Variants in ACYP2 observed in about 807,000 individuals in gnomAD.
ACYP2 encodes acylphosphatase 2.
A neutral mutation model predicts 11.2 loss-of-function variants in ACYP2; 12 were observed. The observed-to-expected ratio is 1.08, with a 90% CI of 0.69 to 1.74. The LOEUF is 1.74. Among genes scored for constraint, ACYP2 ranks in the 40% most tolerant of loss-of-function variants. The pLI, the probability that ACYP2 is intolerant of heterozygous loss-of-function variation, is 0.00. For synonymous variants in ACYP2, 43 were observed against 32.2 expected, an observed-to-expected ratio of 1.33 and a Z score of -1.13; for missense variants, 134 against 101.9, an observed-to-expected ratio of 1.31 and a Z score of -1.35.
At position 54,304,832 on chromosome 2, in the gene ACYP2, A is replaced by G. The variant is rs773108457; in HGVS notation, c.*30A>G. Reference sequence around the variant, plus strand: ...AGAGAAAAATTGTAACACACTGAACAATAGATACTGTATGTTCTTAAGACT... The same window carrying G: ...AGAGAAAAATTGTAACACACTGAACGATAGATACTGTATGTTCTTAAGACT... On this transcript the variant is annotated 3_prime_UTR_variant, in exon 7 of 7. Coordinates refer to ENST00000607452, the MANE Select transcript of ACYP2 (RefSeq NM_001320586.2). 4 of 1,257,994 alleles carry G rather than the reference A, an allele frequency of 3.2e-6. No individual in the cohort carries two copies. In the South Asian group the frequency reaches 4.9e-5, roughly 16 times the overall value. 77.9% of individuals were successfully genotyped at this position (1,257,994 alleles called of 1,614,324 possible).
Position 54,194,019 on chromosome 2 carries a change from A to G in ACYP2, c.404+55271A>G, listed in dbSNP as rs114917123. The stretch of plus-strand genomic sequence containing the variant: ...GATATATGAAGCCTTAGGACTGATC[A>G]TCTTTCACCCCATCAACATTTTCTT... On this transcript the variant is annotated intron_variant, in intron 6 of 6. Transcript: ENST00000607452. Among the ~76,000 whole-genome samples, 780 of 152,244 alleles carry G rather than the reference A, an allele frequency of 5.1e-3. 6 individuals carry two copies. The highest frequency in any genetic ancestry group is 0.018 in the African/African-American group (748 of 41,550).
intron 6 of ACYP2, among the ~76,000 whole-genome samples, chr2:54,238,995 A>T (rs965700568): frequency 6.6e-6 from 1 of 151,944 alleles, no homozygotes; most frequent in South Asian, 2.1e-4. Context: ...TTTATGGGCA[A>T]AAATCCCAAC....
chr2:54,219,494 A>C (rs7593450), intron 6 of ACYP2, among the ~76,000 whole-genome samples: 4,298 of 152,276 alleles, frequency 0.028, 199 homozygotes, highest in African/African-American at 0.097. Flanking sequence ...AAAGAGGAAT[A>C]ATATGAGGGA....
At chr2:54,109,655 T>A (rs1468028453) in intron 4 of ACYP2, among the ~76,000 whole-genome samples, 1 of 152,176 alleles carries the variant, frequency 6.6e-6, no homozygotes, top group Non-Finnish European at 1.5e-5. Context: ...TTTTGAAATG[T>A]TATTATGAAA....
intron 6 of ACYP2, among the ~76,000 whole-genome samples, chr2:54,233,415 G>C (rs1306014321): frequency 1.3e-5 from 2 of 150,058 alleles, no homozygotes; most frequent in African/African-American, 4.9e-5. Flanking sequence ...TCCAGCTTTA[G>C]CCTCCTATGT....
chr2:54,161,326 C>T (rs1682701336), intron 6 of ACYP2, among the ~76,000 whole-genome samples: 1 of 152,176 alleles, frequency 6.6e-6, no homozygotes, highest in Non-Finnish European at 1.5e-5. Flanking sequence ...GGCTGGGACC[C>T]GTGCATCAAA....
intron 6 of ACYP2, among the ~76,000 whole-genome samples, chr2:54,174,369 G>T (rs1182024985): frequency 1.3e-5 from 2 of 152,138 alleles, no homozygotes; most frequent in Admixed American, 6.5e-5. Context: ...TTTGCACATT[G>T]ATTTTGTATC....
Position 54,053,811 on chromosome 2 carries a change from T to A in ACYP2, c.155+2761T>A, listed in dbSNP as rs548014613. 6.6e-5 allele frequency among the ~76,000 whole-genome samples: 10 copies of A among 152,368 alleles called. No homozygotes were observed. The South Asian group carries it at 8.3e-4, about 13-fold the overall frequency. The stretch of plus-strand genomic sequence containing the variant: ...CACTCTCCTATCTTTCTTTACTCAG[T>A]AATTCTTTATATTAAACATCCCTGT... On this transcript the variant is annotated intron_variant, in intron 3 of 6. Transcript: ENST00000607452.
chr2:54,295,817 G>C (rs1408964184), intron 6 of ACYP2, among the ~76,000 whole-genome samples: 1 of 151,786 alleles, frequency 6.6e-6, no homozygotes, highest in Non-Finnish European at 1.5e-5. Flanking sequence ...CTGGAGTGCA[G>C]TGGCGCGATC....
At chr2:54,185,731 A>C (rs937351673) in intron 6 of ACYP2, among the ~76,000 whole-genome samples, 2 of 152,172 alleles carry the variant, frequency 1.3e-5, no homozygotes, top group African/African-American at 4.8e-5. Context: ...TAATAAATTC[A>C]TTTCCTCCTA....
chr2:54,201,610 TTCTTTCTTTCTTTGTTTCTTTCTTTC>T lies in ACYP2; in HGVS notation c.404+62876_404+62901del, dbSNP rs1444449470. Among the ~76,000 whole-genome samples the T allele has an allele frequency of 2.1e-4, 18 of 85,630 alleles. 1 individual carries two copies. Among genetic ancestry groups the T allele is most frequent in the African/African-American group, 6.9e-4 (15 of 21,848 alleles). 56.2% of individuals were successfully genotyped at this position (85,630 alleles called of 152,430 possible). A position where few individuals can be genotyped will look rare whatever the true frequency, so the allele number is the denominator to read the frequency against. ...TCTTTCTTTCTCTTTCTTTCTTTCT[TTCTTTCTTTCTTTGTTTCTTTCTTTC>T]TCTTTCTTTCTTTCTTTCTTTCTTT... On this transcript the variant is annotated intron_variant, in intron 6 of 6. Transcript: ENST00000607452.
intron 2 of ACYP2, among the ~76,000 whole-genome samples, chr2:53,995,589 C>T (rs1419479376): frequency 4.6e-5 from 7 of 151,080 alleles, no homozygotes; most frequent in African/African-American, 7.3e-5. Flanking sequence ...CTGCAACCTC[C>T]GCCTCCTGGG....
chr2:54,190,821 T>TA (rs1684208770), intron 6 of ACYP2, among the ~76,000 whole-genome samples: 1 of 152,160 alleles, frequency 6.6e-6, no homozygotes, highest in South Asian at 2.1e-4. Context: ...ATATTAAACT[T>TA]AGTGTGTTCA....
intron 4 of ACYP2, among the ~76,000 whole-genome samples, chr2:54,132,796 G>C (rs1294125628): frequency 6.7e-6 from 1 of 149,524 alleles, no homozygotes; most frequent in East Asian, 2.0e-4. Flanking sequence ...CCAGGCTGGA[G>C]TGCAATGGCA....
chr2:54,279,825 T>C (rs17045769), intron 6 of ACYP2, among the ~76,000 whole-genome samples: 1,886 of 152,296 alleles, frequency 0.012, 35 homozygotes, highest in African/African-American at 0.042. Context: ...CCTTTCCCAC[T>C]AGAACATGAG....
intron 2 of ACYP2, among the ~76,000 whole-genome samples, chr2:54,023,106 T>C (rs1674088833): frequency 6.6e-6 from 1 of 152,200 alleles, no homozygotes; most frequent in African/African-American, 2.4e-5. Flanking sequence ...GAAAAAATAT[T>C]TTTTCTTTCC....
chr2:54,036,894 C>A (rs1674929896), intron 2 of ACYP2, among the ~76,000 whole-genome samples: 1 of 152,166 alleles, frequency 6.6e-6, no homozygotes, highest in Non-Finnish European at 1.5e-5. Flanking sequence ...TGCGTGGCCC[C>A]TGCGGTCTTC....
intron 2 of ACYP2, among the ~76,000 whole-genome samples, chr2:53,998,059 T>A (rs1672654338): frequency 1.3e-5 from 2 of 152,176 alleles, no homozygotes; most frequent in South Asian, 4.1e-4. Context: ...AGGAATAGGA[T>A]CTGTCTCTTT....
intron 2 of ACYP2, among the ~76,000 whole-genome samples, chr2:54,001,920 T>C (rs573970259): frequency 6.6e-6 from 1 of 152,206 alleles, no homozygotes; most frequent in South Asian, 2.1e-4. Context: ...ATTTCCCCTG[T>C]CCCCACACAT....
Sources: gnomAD v4.1 joint callset for allele counts (sites outside exome capture counted in the v4.1 genomes callset) on GRCh38, gnomAD v4.1.1 for gene constraint, MANE v1.5 for transcripts, NCBI Gene and HGNC (gene_info 2026-07-23, HGNC 2026-07-21) for gene names.